Variants in NRXN1 observed in about 807,000 individuals in gnomAD.
NRXN1 encodes neurexin 1.
A neutral mutation model predicts 150.9 loss-of-function variants in NRXN1; 39 were observed. The observed-to-expected ratio is 0.26, with a 90% confidence interval of 0.20 to 0.34. The LOEUF (loss-of-function observed/expected upper bound fraction) is 0.34, where lower values mean the gene tolerates loss of function less well. NRXN1 is among the 10% of genes least tolerant of loss of function. The pLI is 1.00. For synonymous variants in NRXN1, 924 were observed against 757.0 expected, an observed-to-expected ratio of 1.22 and a Z score of -3.62; for missense variants, 1,815 against 1,949.9, an observed-to-expected ratio of 0.93 and a Z score of 1.30.
intron 5 of NRXN1, among the ~76,000 whole-genome samples, chr2:50,841,798 C>A (rs1403613380): frequency 6.6e-6 from 1 of 152,156 alleles, no homozygotes; most frequent in Non-Finnish European, 1.5e-5. Flanking sequence ...CTTTATATTT[C>A]CAGCTCCCAT....
intron 5 of NRXN1, among the ~76,000 whole-genome samples, chr2:50,655,427 G>T (rs1036349240): frequency 1.3e-5 from 2 of 151,964 alleles, no homozygotes; most frequent in African/African-American, 2.4e-5. Flanking sequence ...ATACTTTCCT[G>T]TCAGGATGGC....
At chr2:49,922,316 A>G (rs1572857179) in intron 22 of NRXN1, 65 bp from the exon 23 acceptor site, 1 of 1,433,980 alleles carries the variant, frequency 7.0e-7, no homozygotes, top group East Asian at 2.4e-5. Flanking sequence ...CCAGAGAGCT[A>G]TATTAACATT....
At chr2:50,308,425 T>G (rs543062735) in intron 17 of NRXN1, among the ~76,000 whole-genome samples, 1 of 152,304 alleles carries the variant, frequency 6.6e-6, no homozygotes, top group South Asian at 2.1e-4. Flanking sequence ...ATTTCTGGGC[T>G]CAGGCAGTCT....
chr2:50,885,208 A>G (rs576436255), intron 5 of NRXN1, among the ~76,000 whole-genome samples: 9 of 151,662 alleles, frequency 5.9e-5, no homozygotes, highest in Non-Finnish European at 1.0e-4. Context: ...AGTATGTACT[A>G]TCTTTTTTGG....
intron 17 of NRXN1, among the ~76,000 whole-genome samples, chr2:50,299,817 TAACA>T (rs2152953535): frequency 6.6e-6 from 1 of 152,288 alleles, no homozygotes; most frequent in South Asian, 2.1e-4. Flanking sequence ...TTCCTTAGGC[TAACA>T]AACAGTCTAT....
Position 51,027,729 on chromosome 2 carries a change from C to G in NRXN1, c.545G>C (p.Gly182Ala). Residue 182 changes from glycine (G) to alanine (A), a missense_variant, in exon 2 of 23, where the codon GGG (glycine) becomes GCG (alanine). Coordinates refer to ENST00000401669, the MANE Select transcript of NRXN1 (RefSeq NM_001330078.2). ...ASVREREPFK[G>A]WIRDVRVNSS... ...GTTGACCCTCACGTCACGAATCCAC[C>G]CCTTGAAGGGCTCCCGCTCCCTCAC... 1 of 1,610,940 alleles carries G rather than the reference C, an allele frequency of 6.2e-7. No individual in the cohort carries two copies.
At chr2:49,940,379 C>T (rs148767654) in intron 22 of NRXN1, among the ~76,000 whole-genome samples, 142 of 152,286 alleles carry the variant, frequency 9.3e-4, no homozygotes, top group African/African-American at 3.2e-3. Context: ...CATCTAATAG[C>T]AGCAGCTAGA....
chr2:50,990,810 C>T (rs905143722), intron 2 of NRXN1, among the ~76,000 whole-genome samples: 9 of 151,990 alleles, frequency 5.9e-5, no homozygotes, highest in Non-Finnish European at 1.0e-4. Context: ...GCTGAAGTGT[C>T]GTAGTGCTGC....
At chr2:50,517,472 G>T (rs1300182566) in intron 12 of NRXN1, among the ~76,000 whole-genome samples, 1 of 152,028 alleles carries the variant, frequency 6.6e-6, no homozygotes, top group African/African-American at 2.4e-5. Flanking sequence ...AGTAGTTGAT[G>T]AAAAGTAACT....
At chr2:50,352,217 G>C (rs2078462266) in intron 17 of NRXN1, among the ~76,000 whole-genome samples, 1 of 152,092 alleles carries the variant, frequency 6.6e-6, no homozygotes, top group Non-Finnish European at 1.5e-5. Flanking sequence ...AAACACAAAA[G>C]AAATAGAAAG....
chr2:50,291,329 G>T (rs1915231), intron 17 of NRXN1, among the ~76,000 whole-genome samples: 2,953 of 152,054 alleles, frequency 0.019, 89 homozygotes, highest in African/African-American at 0.068. Flanking sequence ...ATTTTAAAAC[G>T]AGTTAAGAGT....
rs142376130 is a variant in NRXN1, at chr2:50,112,623, G to A, written c.3547-21129C>T. Among the ~76,000 whole-genome samples, 119 of 152,182 alleles carry A rather than the reference G, an allele frequency of 7.8e-4. 1 individual carries two copies. Among genetic ancestry groups the A allele is most frequent in the African/African-American group, 2.8e-3 (117 of 41,552 alleles). On this transcript the variant is annotated intron_variant, in intron 18 of 22. Coordinates refer to ENST00000401669, the MANE Select transcript of NRXN1 (RefSeq NM_001330078.2). Reference sequence around the variant, plus strand: ...TTAGATGGAGATAGGATTCCATGAGGGTGCAAGGGCTGTTTCATGGCTTTG... The same window carrying A: ...TTAGATGGAGATAGGATTCCATGAGAGTGCAAGGGCTGTTTCATGGCTTTG...
chr2:50,379,415 T>A (rs2080780568), intron 17 of NRXN1, among the ~76,000 whole-genome samples: 1 of 152,184 alleles, frequency 6.6e-6, no homozygotes, highest in African/African-American at 2.4e-5. Context: ...CAAACTCTAT[T>A]GTGTACAACT....
At chr2:50,918,364 G>A (rs1378773755) in intron 5 of NRXN1, 3 of 283,588 alleles carry the variant, frequency 1.1e-5, no homozygotes, top group Non-Finnish European at 2.0e-5. Flanking sequence ...GAAATACAAT[G>A]GTCAAAGAGA....
intron 18 of NRXN1, among the ~76,000 whole-genome samples, chr2:50,113,213 A>G (rs1253097286): frequency 1.3e-5 from 2 of 152,196 alleles, no homozygotes; most frequent in African/African-American, 4.8e-5. Context: ...ATATGAATCA[A>G]TGACTACCTT....
intron 18 of NRXN1, among the ~76,000 whole-genome samples, chr2:50,100,840 T>G (rs1322366691): frequency 6.6e-6 from 1 of 152,100 alleles, no homozygotes; most frequent in Non-Finnish European, 1.5e-5. Context: ...GTGTAAAGAA[T>G]GTCTTTTATT....
intron 8 of NRXN1, among the ~76,000 whole-genome samples, chr2:50,563,315 C>G (rs963834777): frequency 6.6e-6 from 1 of 152,192 alleles, no homozygotes; most frequent in Non-Finnish European, 1.5e-5. Flanking sequence ...TTTATCATAT[C>G]AGAGAATCTG....
chr2:50,055,790 T>C (rs1693505347), intron 19 of NRXN1, among the ~76,000 whole-genome samples: 1 of 152,168 alleles, frequency 6.6e-6, no homozygotes, highest in Non-Finnish European at 1.5e-5. Flanking sequence ...ATTATATGTA[T>C]GTTTTTATAT....
chr2:51,009,380 C>T lies in NRXN1; in HGVS notation c.772+18122G>A, dbSNP rs146264785. The T allele has an allele frequency of 1.2e-4, 19 of 152,006 alleles. No homozygotes were observed. In the East Asian group the frequency reaches 3.7e-3, roughly 30 times the overall value. The allele number at this position is 152,006 out of a possible 1,614,324, so 9.4% of individuals were successfully genotyped here. A position where few individuals can be genotyped will look rare whatever the true frequency, so the allele number is the denominator to read the frequency against. ...GAAACTGCAAAATGAGCATGCAAAT[C>T]AATTTATATGCATCGATGAATGAAT... On this transcript the variant is annotated intron_variant, in intron 2 of 22. Transcript: ENST00000401669.
Sources: gnomAD v4.1 joint callset for allele counts (sites outside exome capture counted in the v4.1 genomes callset) on GRCh38, gnomAD v4.1.1 for gene constraint, MANE v1.5 for transcripts, NCBI Gene and HGNC (gene_info 2026-07-23, HGNC 2026-07-21) for gene names.